The following ELMO1 variants were observed in gnomAD, a reference collection of about 807,000 sequenced individuals.
ELMO1 encodes engulfment and cell motility 1, also known as engulfment and cell motility protein 1.
ELMO1 carries 26 observed loss-of-function variants against 98.9 expected under a neutral mutation model. That is an observed-to-expected ratio of 0.26 (90% CI 0.19 to 0.36). The LOEUF (loss-of-function observed/expected upper bound fraction) is 0.36, where lower values mean the gene tolerates loss of function less well. ELMO1 is among the 10% of genes least tolerant of loss of function. The pLI is 1.00. For missense variants in ELMO1, 627 were observed against 935.2 expected (o/e 0.67, Z 4.30); for synonymous variants, 346 against 346.0 (o/e 1.00, Z 0.00).
intron 7 of ELMO1, among the ~76,000 whole-genome samples, chr7:37,236,107 G>C (rs1489588919): frequency 6.6e-6 from 1 of 152,164 alleles, no homozygotes; most frequent in Admixed American, 6.6e-5. Flanking sequence ...CTGCTCCCTA[G>C]CTACCTGCTC....
At chr7:37,280,013 A>T (rs900792974) in intron 4 of ELMO1, among the ~76,000 whole-genome samples, 1 of 152,214 alleles carries the variant, frequency 6.6e-6, no homozygotes, top group Admixed American at 6.5e-5. Context: ...CACATAGACC[A>T]ATGGAACAGA....
chr7:37,083,054 C>A (rs1399757467), intron 15 of ELMO1, among the ~76,000 whole-genome samples: 1 of 152,212 alleles, frequency 6.6e-6, no homozygotes, highest in Non-Finnish European at 1.5e-5. Flanking sequence ...GCCACCTGGA[C>A]AATCCCAGCA....
intron 2 of ELMO1, among the ~76,000 whole-genome samples, chr7:37,319,473 T>C (rs991550983): frequency 6.6e-6 from 1 of 152,164 alleles, no homozygotes; most frequent in East Asian, 1.9e-4. Flanking sequence ...ATCAAATAGA[T>C]CTTTGAGCGT....
At chr7:37,430,654 C>T (rs1026553081) in intron 1 of ELMO1, among the ~76,000 whole-genome samples, 4 of 152,276 alleles carry the variant, frequency 2.6e-5, no homozygotes, top group Non-Finnish European at 5.9e-5. Flanking sequence ...CCCGCGATGG[C>T]CTCTGGCCAC....
At position 37,096,742 on chromosome 7, in the gene ELMO1, G is replaced by T. The variant is rs1784382184; in HGVS notation, c.1192-15C>A. On this transcript the variant is annotated splice_polypyrimidine_tract_variant and intron_variant, in intron 14 of 21. Transcript: ENST00000310758. ...TCAAGCACAATCTGTAATGGGAAAG[G>T]GAACAGATTAGAAAGGAAATTCAAT... 2 of 1,604,142 alleles carry T rather than the reference G, an allele frequency of 1.2e-6. No homozygotes were observed. The highest frequency in any genetic ancestry group is 2.7e-5 in the African/African-American group (2 of 74,828).
chr7:37,232,980 A>T lies in ELMO1; in HGVS notation c.549+115T>A, dbSNP rs1794262220. ...CATAATATTATAAAAAATCATACCCATCTTTTAATATAAAGAACTAAAGGA... is the reference window on the plus strand; with the variant it reads ...CATAATATTATAAAAAATCATACCCTTCTTTTAATATAAAGAACTAAAGGA... On this transcript the variant is annotated intron_variant, in intron 8 of 21. Transcript: ENST00000310758. The T allele has an allele frequency of 4.5e-6, 4 of 895,508 alleles. No homozygotes were observed. In the South Asian group the frequency reaches 7.3e-5, roughly 16 times the overall value. 55.5% of individuals were successfully genotyped at this position (895,508 alleles called of 1,614,324 possible).
chr7:37,031,218 T>C (rs1794862870), intron 15 of ELMO1, among the ~76,000 whole-genome samples: 1 of 152,090 alleles, frequency 6.6e-6, no homozygotes, highest in South Asian at 2.1e-4. Flanking sequence ...AACCTAACTA[T>C]AGCCACATGT....
At position 36,878,112 on chromosome 7, in the gene ELMO1, A is replaced by G; in HGVS notation, c.1720T>C (p.Phe574Leu). 1 of 1,613,580 alleles carries G rather than the reference A, an allele frequency of 6.2e-7. No homozygotes were observed. The highest frequency in any genetic ancestry group is 8.5e-7 in the Non-Finnish European group (1 of 1,179,558). The change falls in exon 19 of 22, where the codon TTT becomes CTT. Residue 574 changes from phenylalanine to leucine, a missense_variant. Phe to Leu is a conservative substitution (Grantham distance 22). Transcript: ENST00000310758. ...KLNARRRQDK[F>L]WYCRLSPNHK... ...TTTGGCGAAAGCCGACAATACCAAA[A>G]CTTGTCTGAGAGAAAAAACACAAGT...
intron 15 of ELMO1, among the ~76,000 whole-genome samples, chr7:37,089,206 C>T (rs907037357): frequency 1.3e-5 from 2 of 152,114 alleles, no homozygotes; most frequent in East Asian, 1.9e-4. Flanking sequence ...TTTTTACTTG[C>T]TAAAGCAGAG....
intron 16 of ELMO1, among the ~76,000 whole-genome samples, chr7:36,945,204 A>G (rs1036655154): frequency 1.3e-5 from 2 of 152,136 alleles, no homozygotes; most frequent in African/African-American, 4.8e-5. Context: ...ATTGTCATAC[A>G]TTTTCTCAAA....
chr7:37,205,771 G>T (rs376909973), intron 13 of ELMO1, among the ~76,000 whole-genome samples: 1 of 152,154 alleles, frequency 6.6e-6, no homozygotes, highest in South Asian at 2.1e-4. Context: ...TTCCAAGAAT[G>T]ATCTAAAAAA....
intron 10 of ELMO1, chr7:37,217,679 T>G: frequency 2.2e-6 from 1 of 456,864 alleles, no homozygotes. Context: ...CAGGGCCCAC[T>G]TTACGCTAAC....
intron 14 of ELMO1, among the ~76,000 whole-genome samples, chr7:37,100,813 C>G (rs191766132): frequency 6.6e-6 from 1 of 152,356 alleles, no homozygotes; most frequent in Non-Finnish European, 1.5e-5. Flanking sequence ...AGAGGGGACA[C>G]AAAGCAGCTA....
intron 16 of ELMO1, among the ~76,000 whole-genome samples, chr7:36,972,402 G>A (rs775782203): frequency 2.0e-5 from 3 of 152,234 alleles, no homozygotes; most frequent in Non-Finnish European, 4.4e-5. Context: ...CTATCAGTTT[G>A]CTAGGACTGC....
At chr7:37,056,754 G>A (rs549915249) in intron 15 of ELMO1, among the ~76,000 whole-genome samples, 4 of 152,248 alleles carry the variant, frequency 2.6e-5, no homozygotes, top group African/African-American at 9.6e-5. Context: ...GGGAGGGCAG[G>A]GGGAGAAATA....
chr7:36,980,899 C>T (rs1033659612), intron 16 of ELMO1, among the ~76,000 whole-genome samples: 10 of 152,000 alleles, frequency 6.6e-5, no homozygotes, highest in African/African-American at 2.2e-4. Flanking sequence ...ACCAGTGTTG[C>T]TTCACTACAA....
intron 15 of ELMO1, among the ~76,000 whole-genome samples, chr7:37,086,535 G>A (rs1391791823): frequency 6.6e-6 from 1 of 151,864 alleles, no homozygotes; most frequent in Non-Finnish European, 1.5e-5. Context: ...TTGAGGTCAG[G>A]AGTTCGAGAC....
At chr7:37,096,517 A>C in intron 15 of ELMO1, 102 bp downstream of exon 15, 1 of 922,576 alleles carries the variant, frequency 1.1e-6, no homozygotes, top group Non-Finnish European at 1.7e-6. Flanking sequence ...TGACCGTAAG[A>C]AGCTGTCGGC....
intron 13 of ELMO1, among the ~76,000 whole-genome samples, chr7:37,167,187 C>T (rs1265531076): frequency 6.6e-6 from 1 of 151,120 alleles, no homozygotes; most frequent in East Asian, 1.9e-4. Flanking sequence ...TTTCCATTTG[C>T]TTGGTAGATC....
Sources: allele counts gnomAD v4.1 joint callset (sites outside exome capture counted in the v4.1 genomes callset), GRCh38; gene constraint gnomAD v4.1.1; transcripts MANE v1.5; gene names NCBI Gene and HGNC (gene_info 2026-07-23, HGNC 2026-07-21).